The following SOS1 variants were observed in gnomAD, a reference collection of about 807,000 sequenced individuals.
SOS1 encodes son of sevenless homolog 1.
In SOS1, 25 loss-of-function variants were observed where a neutral mutation model predicts 157.6. The ratio of observed to expected loss-of-function variants is 0.16; its 90% CI spans 0.12 to 0.22. SOS1 has a LOEUF of 0.22. Among genes scored for constraint, SOS1 ranks in the 10% least tolerant of loss-of-function variants. The probability of loss-of-function intolerance (pLI) is 1.00; values close to 1 mark genes in which losing one functional copy is unlikely to be tolerated. For missense variants in SOS1, 1,237 were observed against 1,599.1 expected, an observed-to-expected ratio of 0.77 and a Z score of 3.86; for synonymous variants, 528 against 534.0, an observed-to-expected ratio of 0.99 and a Z score of 0.16.
chr2:39,023,496 A>G (rs1366130495), intron 9 of SOS1, among the ~76,000 whole-genome samples: 1 of 152,096 alleles, frequency 6.6e-6, no homozygotes, highest in Non-Finnish European at 1.5e-5. Context: ...TGGCTACTAA[A>G]TATTTAGAAT....
chr2:39,005,176 T>C (rs1669245292), intron 17 of SOS1, among the ~76,000 whole-genome samples: 1 of 152,142 alleles, frequency 6.6e-6, no homozygotes, highest in Non-Finnish European at 1.5e-5. Flanking sequence ...AGATTAAAAA[T>C]AGCTAAAAGT....
intron 15 of SOS1, 149 bp from the exon 16 acceptor site, chr2:39,007,342 A>G (rs769344658): frequency 1.2e-4 from 76 of 630,330 alleles, no homozygotes; most frequent in Non-Finnish European, 2.0e-4. Flanking sequence ...GGTGACTGAT[A>G]GAAGGAAGGC....
intron 21 of SOS1, among the ~76,000 whole-genome samples, chr2:38,988,583 T>C (rs1668622307): frequency 1.3e-5 from 2 of 152,182 alleles, no homozygotes; most frequent in African/African-American, 4.8e-5. Context: ...TGATATTATT[T>C]AAATGATCAA....
Position 39,017,600 on chromosome 2 carries a change from C to T in SOS1, c.1859-2754G>A, listed in dbSNP as rs555326951. Reference sequence around the variant, plus strand: ...ATTAAGAGTAGTCTTGCCAAAAAGACAAAAGCAGCAGAAACTAAAAACAAA... The same window carrying T: ...ATTAAGAGTAGTCTTGCCAAAAAGATAAAAGCAGCAGAAACTAAAAACAAA... On this transcript the variant is annotated intron_variant, in intron 10 of 22. Transcript: ENST00000402219. Among the ~76,000 whole-genome samples the T allele has an allele frequency of 2.0e-5, 3 of 151,846 alleles. No homozygotes were observed. In the South Asian group the frequency reaches 6.2e-4, roughly 32 times the overall value.
At chr2:39,065,235 C>T (rs1671553949) in intron 2 of SOS1, among the ~76,000 whole-genome samples, 1 of 151,950 alleles carries the variant, frequency 6.6e-6, no homozygotes, top group Admixed American at 6.6e-5. Flanking sequence ...AAATTATTTC[C>T]CGATAAAAGA....
In SOS1 at chr2:38,985,512, ATCACT is replaced by A. The variant is rs1183873367; in HGVS notation, c.*307_*311del. The A allele has an allele frequency of 2.1e-5, 7 of 329,870 alleles. No homozygotes were observed. The highest frequency in any genetic ancestry group is 4.1e-5 in the Non-Finnish European group (7 of 172,152). 20.4% of individuals were successfully genotyped at this position (329,870 alleles called of 1,614,324 possible). On this transcript the variant is annotated 3_prime_UTR_variant, in exon 23 of 23. Transcript: ENST00000402219. The stretch of plus-strand genomic sequence containing the variant: ...GACTGTGTTTTCCATCCCTTTAATG[ATCACT>A]TCACAAAAGATCACTTCACAAAAAG...
In SOS1 at chr2:38,986,226, G is replaced by C. The variant is rs141594736; in HGVS notation, c.3600C>G (p.Asp1200Glu). The C allele has an allele frequency of 2.4e-4, 389 of 1,613,894 alleles. No homozygotes were observed. The highest frequency in any genetic ancestry group is 3.2e-4 in the Non-Finnish European group (380 of 1,179,876). ...CAGGAGGGTCTGAGATAGAGGTCCG[G>C]TCTGATATTGAATATCGTGGTGAAT... ...KAYSPRYSIS[D>E]RTSISDPPES... Residue 1200 changes from aspartate (D) to glutamate (E), a missense_variant, in exon 23 of 23, where the codon GAC becomes GAG. This residue lies in a region of SOS1 where 306 missense variants were observed against 322.6 expected (regional missense o/e 0.95). Transcript: ENST00000402219.
chr2:39,084,030 A>G (rs1169954441), intron 1 of SOS1, among the ~76,000 whole-genome samples: 1 of 152,180 alleles, frequency 6.6e-6, no homozygotes, highest in Non-Finnish European at 1.5e-5. Flanking sequence ...AAATTTGAAC[A>G]CAGAAGACAG....
At chr2:39,066,039 T>C (rs1255523979) in intron 2 of SOS1, among the ~76,000 whole-genome samples, 1 of 152,218 alleles carries the variant, frequency 6.6e-6, no homozygotes, top group East Asian at 1.9e-4. Flanking sequence ...GATTCAGTGA[T>C]GCTCTTCTCA....
chr2:39,115,861 T>C (rs1673630817), intron 1 of SOS1, among the ~76,000 whole-genome samples: 1 of 152,244 alleles, frequency 6.6e-6, no homozygotes, highest in Admixed American at 6.5e-5. Flanking sequence ...GCCATGAACA[T>C]TCATGTATAA....
At chr2:39,041,730 A>G (rs532764740) in intron 6 of SOS1, among the ~76,000 whole-genome samples, 2 of 152,280 alleles carry the variant, frequency 1.3e-5, no homozygotes, top group African/African-American at 2.4e-5. Context: ...TGCTTCCCTT[A>G]TAACTATGGT....
upstream of SOS1, among the ~76,000 whole-genome samples, chr2:39,121,396 G>A (rs1376506025): frequency 6.6e-6 from 1 of 152,186 alleles, no homozygotes; most frequent in Non-Finnish European, 1.5e-5. Context: ...CCCAGAGCAC[G>A]CAATGTATAG....
intron 17 of SOS1, among the ~76,000 whole-genome samples, chr2:39,004,241 C>G (rs1669209864): frequency 6.6e-6 from 1 of 151,846 alleles, no homozygotes; most frequent in South Asian, 2.1e-4. Context: ...CGGTGAAACC[C>G]TGTCTCTACT....
intron 6 of SOS1, among the ~76,000 whole-genome samples, chr2:39,045,964 A>C (rs1426966446): frequency 1.3e-5 from 2 of 152,098 alleles, no homozygotes; most frequent in Non-Finnish European, 2.9e-5. Context: ...CACCCACCTC[A>C]GCCTCCCAAA....
At chr2:39,081,134 G>C (rs184832273) in intron 1 of SOS1, among the ~76,000 whole-genome samples, 1 of 152,080 alleles carries the variant, frequency 6.6e-6, no homozygotes, top group African/African-American at 2.4e-5. Flanking sequence ...CTGCACTCCA[G>C]CCTGGAGTGG....
chr2:39,113,350 C>G (rs1183129438), intron 1 of SOS1, among the ~76,000 whole-genome samples: 1 of 151,104 alleles, frequency 6.6e-6, no homozygotes, highest in African/African-American at 2.4e-5. Flanking sequence ...ACCACCATAC[C>G]TGTCTTCTTT....
In SOS1 at chr2:39,007,213, G is replaced by T. The variant is rs1300361748; in HGVS notation, c.2511-20C>A. 5 of 1,478,670 alleles carry T rather than the reference G, an allele frequency of 3.4e-6. No homozygotes were observed. The highest frequency in any genetic ancestry group is 4.7e-6 in the Non-Finnish European group (5 of 1,057,342). The allele number at this position is 1,478,670 out of a possible 1,614,324, so 91.6% of individuals were successfully genotyped here. On this transcript the variant is annotated intron_variant, in intron 15 of 22. Transcript: ENST00000402219. The stretch of plus-strand genomic sequence containing the variant: ...ATACATCTGGGAATAAAAAAAAAGT[G>T]AACTAAAGGTTTTAGAGTTTTTCCA...
At chr2:39,084,803 C>A (rs1276045575) in intron 1 of SOS1, among the ~76,000 whole-genome samples, 3 of 152,020 alleles carry the variant, frequency 2.0e-5, no homozygotes, top group Non-Finnish European at 2.9e-5. Flanking sequence ...AACAGTATGA[C>A]CTTCCTAAAC....
Position 38,985,782 on chromosome 2 carries a change from G to T in SOS1, c.*42C>A. On this transcript the variant is annotated 3_prime_UTR_variant, in exon 23 of 23. Transcript: ENST00000402219. ...ATTCAGTGCATCCATTGCCAGCAAT[G>T]GATTTGGGGCTAGGAAAATATACAT... 6.2e-7 allele frequency: 1 copy of T among 1,610,544 alleles called. No homozygotes were observed. Among genetic ancestry groups the T allele is most frequent in the South Asian group, 1.1e-5 (1 of 90,634 alleles).
Sources: gnomAD v4.1 joint callset for allele counts (sites outside exome capture counted in the v4.1 genomes callset) on GRCh38, gnomAD v4.1.1 for gene constraint, gnomAD v4.1.1 regional missense constraint, MANE v1.5 for transcripts, NCBI Gene and HGNC (gene_info 2026-07-23, HGNC 2026-07-21) for gene names.